DDX60L: variants seen among roughly 807,000 people sequenced by gnomAD.
The protein encoded by DDX60L is probable ATP-dependent RNA helicase DDX60-like.
Under a neutral mutation model 211.6 loss-of-function variants are expected in DDX60L, and 191 were observed. That is an observed-to-expected ratio of 0.90 (90% CI 0.80 to 1.02). DDX60L has a LOEUF of 1.02. DDX60L is among the 50% of genes least tolerant of loss of function. The pLI, the probability that DDX60L is intolerant of heterozygous loss-of-function variation, is 0.00. For synonymous variants in DDX60L, 706 were observed against 694.1 expected, an observed-to-expected ratio of 1.02 and a Z score of -0.27; for missense variants, 2,007 against 1,984.1, an observed-to-expected ratio of 1.01 and a Z score of -0.22.
At chr4:168,472,567 A>C in intron 2 of DDX60L, 43 bp from the exon 3 acceptor site, 3 of 1,565,044 alleles carry the variant, frequency 1.9e-6, no homozygotes. Context: ...ATTTTTACAC[A>C]GCTATATAAT....
At chr4:168,438,628 C>A (rs1753397365) in intron 10 of DDX60L, among the ~76,000 whole-genome samples, 1 of 152,298 alleles carries the variant, frequency 6.6e-6, no homozygotes, top group East Asian at 1.9e-4. Context: ...ACCTCCAGAC[C>A]TGTAAGAGAA....
chr4:168,416,068 C>T (rs1749507809), intron 20 of DDX60L, among the ~76,000 whole-genome samples: 2 of 152,166 alleles, frequency 1.3e-5, no homozygotes, highest in Non-Finnish European at 2.9e-5. Flanking sequence ...GCGTGCCTGC[C>T]ACATAGAAAG....
intron 22 of DDX60L, among the ~76,000 whole-genome samples, chr4:168,411,956 C>T (rs1208360614): frequency 6.6e-6 from 1 of 151,804 alleles, no homozygotes; most frequent in Non-Finnish European, 1.5e-5. Context: ...CCATTCCAGG[C>T]CCTCGCTCCC....
At chr4:168,453,324 C>A in intron 7 of DDX60L, 42 bp from the exon 8 acceptor site, 1 of 1,564,646 alleles carries the variant, frequency 6.4e-7, no homozygotes, top group Non-Finnish European at 8.7e-7. Flanking sequence ...CAATGTCACG[C>A]TGTGAAATGG....
intron 26 of DDX60L, among the ~76,000 whole-genome samples, chr4:168,396,829 A>G (rs570492619): frequency 1.3e-5 from 2 of 152,160 alleles, no homozygotes; most frequent in East Asian, 3.9e-4. Flanking sequence ...TGGTGGAAAC[A>G]ATAGAGAGCT....
At chr4:168,466,011 T>C (rs889083087) in intron 4 of DDX60L, among the ~76,000 whole-genome samples, 6 of 152,150 alleles carry the variant, frequency 3.9e-5, no homozygotes, top group Non-Finnish European at 8.8e-5. Context: ...TTAGAAATTA[T>C]TTCTAATTAA....
chr4:168,374,547 T>C (rs17540018), intron 34 of DDX60L, among the ~76,000 whole-genome samples: 6,102 of 152,328 alleles, frequency 0.04, 167 homozygotes, highest in Non-Finnish European at 0.061. Context: ...AAGCAAAGAA[T>C]GATATTTGCA....
chr4:168,400,883 C>G lies in DDX60L; in HGVS notation c.3434G>C (p.Ser1145Thr), dbSNP rs753650766. Reference protein sequence around the residue: ...TKSHPHTECHSYVFAIDEVLE... With the variant: ...TKSHPHTECHTYVFAIDEVLE... ...TACTTCATCTATTGCAAAGACATAA[C>G]TATGACATTCAGTGTGGGGATGGCT... is the stretch of plus-strand genomic sequence containing the variant. The change falls in exon 26 of 38, where the codon AGT becomes ACT. Residue 1145 changes from serine (S) to threonine (T), a missense_variant. Transcript: ENST00000682922. 4.5e-5 allele frequency: 73 copies of G among 1,613,542 alleles called. 1 individual carries two copies. Among genetic ancestry groups the G allele is most frequent in the South Asian group, 2.3e-4 (21 of 91,066 alleles).
chr4:168,385,705 C>T lies in DDX60L; in HGVS notation c.3916-893G>A, dbSNP rs1447317775. Reference sequence around the variant, plus strand: ...ACTCGGTGGTGAGCAGAAATCCCCACACATTTGGTCACAGAAGTCTTCTGT... The same window carrying T: ...ACTCGGTGGTGAGCAGAAATCCCCATACATTTGGTCACAGAAGTCTTCTGT... On this transcript the variant is annotated intron_variant, in intron 29 of 37. Coordinates refer to ENST00000682922, the MANE Select transcript of DDX60L (RefSeq NM_001012967.3). Among the ~76,000 whole-genome samples, 4 of 152,052 alleles carry T rather than the reference C, an allele frequency of 2.6e-5. No homozygotes were observed. The East Asian group carries it at 7.7e-4, about 29-fold the overall frequency.
chr4:168,462,197 T>A (rs1041124073), intron 4 of DDX60L, among the ~76,000 whole-genome samples, 157 bp from the exon 5 acceptor site: 2 of 152,230 alleles, frequency 1.3e-5, no homozygotes. Context: ...CACAAGTGCA[T>A]GCCACAGGTC....
At chr4:168,381,320 C>A (rs1742908628) in intron 30 of DDX60L, among the ~76,000 whole-genome samples, 1 of 152,104 alleles carries the variant, frequency 6.6e-6, no homozygotes. Flanking sequence ...CCTCCCATCA[C>A]AGGCTGGAGT....
chr4:168,451,557 T>C (rs1251635017), intron 8 of DDX60L, among the ~76,000 whole-genome samples: 1 of 152,192 alleles, frequency 6.6e-6, no homozygotes, highest in African/African-American at 2.4e-5. Flanking sequence ...GCCACCAACA[T>C]CTTAGCCATG....
Position 168,357,604 on chromosome 4 carries a change from T to C in DDX60L, c.*543A>G, listed in dbSNP as rs1405765064. The C allele has an allele frequency of 6.5e-6, 1 of 154,150 alleles. No homozygotes were observed. The highest frequency in any genetic ancestry group is 1.4e-5 in the Non-Finnish European group (1 of 69,642). The allele number at this position is 154,150 out of a possible 1,614,324, so 9.5% of individuals were successfully genotyped here. A position where few individuals can be genotyped will look rare whatever the true frequency, so the allele number is the denominator to read the frequency against. On this transcript the variant is annotated 3_prime_UTR_variant, in exon 38 of 38. Transcript: ENST00000682922. ...CATGACCTATCATCTCCTAATACCA[T>C]CACATTGAGGGTTAGAATTTCAATA...
At chr4:168,468,330 GAATT>G (rs1283321426) in intron 4 of DDX60L, among the ~76,000 whole-genome samples, 3 of 152,004 alleles carry the variant, frequency 2.0e-5, no homozygotes, top group African/African-American at 7.2e-5. Context: ...ATAAAAGATT[GAATT>G]AATATTTAAA....
intron 19 of DDX60L, among the ~76,000 whole-genome samples, chr4:168,417,534 C>T (rs774726208): frequency 6.6e-6 from 1 of 152,218 alleles, no homozygotes; most frequent in Non-Finnish European, 1.5e-5. Context: ...GTTGTTCTTA[C>T]TTCCCATTTT....
rs142482542 is a variant in DDX60L, at chr4:168,376,498, C to T, written c.4486-974G>A. On this transcript the variant is annotated intron_variant, in intron 33 of 37. Transcript: ENST00000682922. Reference sequence around the variant, plus strand: ...CAGGGGGATTCTTACAAAAGGCAACCGTGTGGACATAATAAAGAATGCCCC... The same window carrying T: ...CAGGGGGATTCTTACAAAAGGCAACTGTGTGGACATAATAAAGAATGCCCC... Among the ~76,000 whole-genome samples the T allele has an allele frequency of 2.6e-5, 4 of 152,240 alleles. No individual in the cohort carries two copies. The East Asian group carries it at 5.8e-4, about 22-fold the overall frequency.
chr4:168,414,204 T>C (rs1749141672), intron 22 of DDX60L, among the ~76,000 whole-genome samples: 1 of 152,094 alleles, frequency 6.6e-6, no homozygotes, highest in Admixed American at 6.5e-5. Context: ...GCAACACCTG[T>C]CCTACAAGAA....
chr4:168,391,939 C>T (rs1744908785), intron 28 of DDX60L, among the ~76,000 whole-genome samples: 3 of 152,162 alleles, frequency 2.0e-5, no homozygotes, highest in South Asian at 4.1e-4. Context: ...CCTGCACCAT[C>T]GTTTCTAAAA....
Position 168,357,066 on chromosome 4 carries a change from G to T in DDX60L, c.*1081C>A, listed in dbSNP as rs369102911. ...GCTGTTTGTTCCCTTATGTTTGTTT[G>T]TATGCTTGTTTTTTAAGTATGATAC... is the stretch of plus-strand genomic sequence containing the variant. On this transcript the variant is annotated 3_prime_UTR_variant, in exon 38 of 38. Transcript: ENST00000682922. 2.0e-5 allele frequency: 3 copies of T among 152,178 alleles called. No homozygotes were observed. The Middle Eastern group carries it at 0.01, about 518-fold the overall frequency. The allele number at this position is 152,178 out of a possible 1,614,324, so 9.4% of individuals were successfully genotyped here.
Sources: gnomAD v4.1 joint callset for allele counts (sites outside exome capture counted in the v4.1 genomes callset) on GRCh38, gnomAD v4.1.1 for gene constraint, MANE v1.5 for transcripts, NCBI Gene and HGNC (gene_info 2026-07-23, HGNC 2026-07-21) for gene names.